The following GPC6 variants were observed in gnomAD, a reference collection of about 807,000 sequenced individuals.
GPC6 encodes glypican-6.
In GPC6, 14 loss-of-function variants were observed where a neutral mutation model predicts 55.2. The observed-to-expected ratio is 0.25, with a 90% CI of 0.17 to 0.40. GPC6 has a LOEUF of 0.40. GPC6 is among the 10% of genes least tolerant of loss of function. GPC6 has a pLI of 1.00. For missense variants in GPC6, 641 were observed against 708.5 expected (o/e 0.90, Z 1.08); for synonymous variants, 278 against 259.6 (o/e 1.07, Z -0.68).
At chr13:93,316,849 C>T (rs78446421) in intron 1 of GPC6, among the ~76,000 whole-genome samples, 2,364 of 152,152 alleles carry the variant, frequency 0.016, 60 homozygotes, top group African/African-American at 0.055. Flanking sequence ...GCTCAGCATA[C>T]GTTTTAATGT....
chr13:93,262,702 C>T (rs1388036833), intron 1 of GPC6, among the ~76,000 whole-genome samples: 1 of 152,086 alleles, frequency 6.6e-6, no homozygotes, highest in African/African-American at 2.4e-5. Flanking sequence ...AAGGACTTGC[C>T]TCAGTTTCCC....
chr13:93,958,934 G>C (rs897977912), intron 3 of GPC6, among the ~76,000 whole-genome samples: 1 of 151,956 alleles, frequency 6.6e-6, no homozygotes, highest in Non-Finnish European at 1.5e-5. Context: ...TTTCTTCGTG[G>C]CTATTGTAAA....
At position 93,417,333 on chromosome 13, in the gene GPC6, T is replaced by A. The variant is rs559886203; in HGVS notation, c.161-127930T>A. On this transcript the variant is annotated intron_variant, in intron 1 of 8. Transcript: ENST00000377047. The stretch of plus-strand genomic sequence containing the variant: ...TTTAATGAATATCTGTGGAAGATAC[T>A]CTTATTTATTGCTGGTGCCTTTCTT... Among the ~76,000 whole-genome samples, 243 of 152,212 alleles carry A rather than the reference T, an allele frequency of 1.6e-3. 2 individuals are homozygous for A. Among genetic ancestry groups the A allele is most frequent in the Middle Eastern group, 6.8e-3 (2 of 294 alleles).
chr13:94,290,429 TAAAAAAAAAAAA>T (rs532958421), intron 5 of GPC6, among the ~76,000 whole-genome samples: 1 of 99,044 alleles, frequency 1.0e-5, no homozygotes, highest in Non-Finnish European at 2.0e-5. Flanking sequence ...TCTAGAAAGG[TAAAAAAAAAAAA>T]AAAAAAAAGA....
intron 1 of GPC6, among the ~76,000 whole-genome samples, chr13:93,383,908 T>C (rs1378795861): frequency 6.6e-6 from 1 of 152,130 alleles, no homozygotes; most frequent in Non-Finnish European, 1.5e-5. Context: ...GTACCTAAAC[T>C]ATATTTATAT....
At chr13:94,379,983 AC>A (rs1880084428) in intron 6 of GPC6, among the ~76,000 whole-genome samples, 2 of 152,186 alleles carry the variant, frequency 1.3e-5, no homozygotes, top group Admixed American at 6.5e-5. Flanking sequence ...CCAAGAACGC[AC>A]CCCGAAGAAG....
intron 4 of GPC6, among the ~76,000 whole-genome samples, chr13:94,176,826 C>T (rs1236810899): frequency 6.6e-6 from 1 of 152,152 alleles, no homozygotes; most frequent in Non-Finnish European, 1.5e-5. Flanking sequence ...CAGATGTATG[C>T]TTCTCCGGGG....
At chr13:93,945,853 T>G (rs1378762800) in intron 3 of GPC6, among the ~76,000 whole-genome samples, 3 of 152,222 alleles carry the variant, frequency 2.0e-5, no homozygotes, top group Non-Finnish European at 2.9e-5. Flanking sequence ...TGTTGATATT[T>G]TTGTTTTTGT....
At chr13:94,009,290 G>A (rs1882146214) in intron 3 of GPC6, among the ~76,000 whole-genome samples, 1 of 152,120 alleles carries the variant, frequency 6.6e-6, no homozygotes, top group Non-Finnish European at 1.5e-5. Context: ...TGTTGTTATA[G>A]GAAAGTCACT....
At chr13:93,244,597 C>G (rs1335057391) in intron 1 of GPC6, among the ~76,000 whole-genome samples, 1 of 152,182 alleles carries the variant, frequency 6.6e-6, no homozygotes, top group Non-Finnish European at 1.5e-5. Flanking sequence ...CCATGCTGCT[C>G]CTTCTCCCCA....
chr13:94,187,391 G>A (rs1416233156), intron 4 of GPC6: 1 of 152,162 alleles, frequency 6.6e-6, no homozygotes, highest in Non-Finnish European at 1.5e-5. Flanking sequence ...AAAGAAAGCA[G>A]AACGATGAGT....
At chr13:93,279,804 A>G (rs1877885547) in intron 1 of GPC6, among the ~76,000 whole-genome samples, 1 of 152,196 alleles carries the variant, frequency 6.6e-6, no homozygotes, top group African/African-American at 2.4e-5. Context: ...GAGATTGAAA[A>G]TACAAAAACA....
At chr13:94,205,206 G>A (rs770658962) in intron 4 of GPC6, among the ~76,000 whole-genome samples, 9 of 152,082 alleles carry the variant, frequency 5.9e-5, no homozygotes, top group Non-Finnish European at 1.0e-4. Context: ...TACCTACACC[G>A]TTTCTTAGTC....
At chr13:94,001,318 T>A (rs976067259) in intron 3 of GPC6, among the ~76,000 whole-genome samples, 7 of 152,202 alleles carry the variant, frequency 4.6e-5, no homozygotes, top group African/African-American at 1.7e-4. Flanking sequence ...TTTAATTCAG[T>A]ATCTTACATG....
At chr13:93,801,680 G>T (rs915641470) in intron 2 of GPC6, among the ~76,000 whole-genome samples, 1 of 152,108 alleles carries the variant, frequency 6.6e-6, no homozygotes, top group African/African-American at 2.4e-5. Flanking sequence ...ACTGAAAAAA[G>T]AAGGTGGAGA....
At chr13:93,447,002 T>C (rs976890777) in intron 1 of GPC6, among the ~76,000 whole-genome samples, 2 of 152,164 alleles carry the variant, frequency 1.3e-5, no homozygotes, top group Non-Finnish European at 2.9e-5. Flanking sequence ...TCAGGTTCTC[T>C]GGTTTGAAAG....
At chr13:93,996,819 G>A (rs896368263) in intron 3 of GPC6, among the ~76,000 whole-genome samples, 4 of 152,148 alleles carry the variant, frequency 2.6e-5, no homozygotes, top group Admixed American at 6.6e-5. Flanking sequence ...GTGGAAGTTC[G>A]TAGGCTTGTC....
chr13:93,523,580 A>G (rs1254182544), intron 1 of GPC6, among the ~76,000 whole-genome samples: 1 of 151,766 alleles, frequency 6.6e-6, no homozygotes, highest in Non-Finnish European at 1.5e-5. Context: ...TTGCTGCAAT[A>G]TGTCATCTTC....
chr13:93,932,056 A>C (rs1162284160), intron 3 of GPC6, among the ~76,000 whole-genome samples: 2 of 152,214 alleles, frequency 1.3e-5, no homozygotes, highest in Non-Finnish European at 2.9e-5. Context: ...GCATAATGAG[A>C]ACATTTTTAC....
Sources: allele counts gnomAD v4.1 joint callset (sites outside exome capture counted in the v4.1 genomes callset), GRCh38; gene constraint gnomAD v4.1.1; transcripts MANE v1.5; gene names NCBI Gene and HGNC (gene_info 2026-07-23, HGNC 2026-07-21).